Variants in NTM observed in about 807,000 individuals in gnomAD.
NTM encodes IgLON family member 2.
In NTM, 13 loss-of-function variants were observed where a neutral mutation model predicts 42.1. The observed-to-expected ratio is 0.31, with a 90% CI of 0.20 to 0.49. The LOEUF (loss-of-function observed/expected upper bound fraction) is 0.49. Among genes scored for constraint, NTM ranks in the 20% least tolerant of loss-of-function variants. The pLI is 0.99. For missense variants in NTM, 373 were observed against 452.8 expected (o/e 0.82, Z 1.60); for synonymous variants, 187 against 179.2 (o/e 1.04, Z -0.35).
chr11:132,159,835 C>T (rs757707077), intron 3 of NTM, among the ~76,000 whole-genome samples: 3 of 152,110 alleles, frequency 2.0e-5, no homozygotes, highest in African/African-American at 7.2e-5. Flanking sequence ...AGCTAAGGCC[C>T]GAGGCAGCTG....
At chr11:131,608,206 T>G (rs1177513835) in intron 1 of NTM, among the ~76,000 whole-genome samples, 1 of 152,196 alleles carries the variant, frequency 6.6e-6, no homozygotes, top group Non-Finnish European at 1.5e-5. Context: ...TTCATCCATG[T>G]CCCTGCAAAG....
Position 132,276,243 on chromosome 11 carries a change from C to G in NTM, c.527-31446C>G, listed in dbSNP as rs569343854. Among the ~76,000 whole-genome samples, 51 of 152,100 alleles carry G rather than the reference C, an allele frequency of 3.4e-4. No individual in the cohort carries two copies. The South Asian group carries it at 0.01, about 31-fold the overall frequency. On this transcript the variant is annotated intron_variant, in intron 4 of 8. Transcript: ENST00000683400. ...AACCACATTTTCTTTATTCATCCAT[C>G]GTTAGTCACTTAGGTTGGTTTCATA...
At chr11:131,642,386 G>A (rs759450058) in intron 1 of NTM, among the ~76,000 whole-genome samples, 6 of 152,234 alleles carry the variant, frequency 3.9e-5, no homozygotes, top group Non-Finnish European at 8.8e-5. Flanking sequence ...ATTTGGGGAA[G>A]TGGGAGAAGC....
At chr11:132,317,376 G>A (rs1555092555) in intron 7 of NTM, among the ~76,000 whole-genome samples, 1 of 152,192 alleles carries the variant, frequency 6.6e-6, no homozygotes, top group Non-Finnish European at 1.5e-5. Flanking sequence ...CTCAGCATGA[G>A]CTAAGAGTGA....
chr11:131,393,198 C>T (rs1345193040), intron 1 of NTM, among the ~76,000 whole-genome samples: 1 of 152,176 alleles, frequency 6.6e-6, no homozygotes, highest in Non-Finnish European at 1.5e-5. Flanking sequence ...ACCCTGCTCT[C>T]AATTGTCCTT....
chr11:131,402,676 A>G (rs1433885632), intron 1 of NTM, among the ~76,000 whole-genome samples: 1 of 152,210 alleles, frequency 6.6e-6, no homozygotes, highest in Non-Finnish European at 1.5e-5. Context: ...AGAGAATGCT[A>G]CTGTCTAAAA....
At chr11:131,648,827 A>G (rs2066095253) in intron 1 of NTM, among the ~76,000 whole-genome samples, 1 of 152,214 alleles carries the variant, frequency 6.6e-6, no homozygotes. Flanking sequence ...AAGATATAGA[A>G]TCTATCATAT....
intron 2 of NTM, among the ~76,000 whole-genome samples, chr11:132,126,644 A>G (rs2065889201): frequency 6.6e-6 from 1 of 152,196 alleles, no homozygotes; most frequent in African/African-American, 2.4e-5. Context: ...TGGAGAGGGC[A>G]GCCAAACTAG....
intron 2 of NTM, among the ~76,000 whole-genome samples, chr11:132,021,707 C>T (rs938421956): frequency 2.0e-5 from 3 of 152,084 alleles, no homozygotes; most frequent in African/African-American, 7.2e-5. Flanking sequence ...TAGGTTGCCC[C>T]CCAGGACTGA....
At chr11:131,405,248 T>C (rs1240357778) in intron 1 of NTM, among the ~76,000 whole-genome samples, 1 of 152,076 alleles carries the variant, frequency 6.6e-6, no homozygotes, top group African/African-American at 2.4e-5. Flanking sequence ...ATAGATTACA[T>C]CTGTTGACTG....
chr11:132,316,249 G>A (rs2095427197), intron 7 of NTM, among the ~76,000 whole-genome samples: 1 of 152,130 alleles, frequency 6.6e-6, no homozygotes, highest in Admixed American at 6.6e-5. Flanking sequence ...ATAGGGAGAA[G>A]CAGCAAACAA....
intron 7 of NTM, chr11:132,317,813 T>C (rs905031213): frequency 1.3e-5 from 6 of 463,514 alleles, no homozygotes; most frequent in East Asian, 7.3e-5. Context: ...TGGAAGGCTA[T>C]TGAAGGAGGT....
chr11:131,763,627 G>A (rs946801354), intron 1 of NTM, among the ~76,000 whole-genome samples: 5 of 149,822 alleles, frequency 3.3e-5, no homozygotes, highest in Admixed American at 2.0e-4. Flanking sequence ...AAGCTGAAGA[G>A]CTCTGGGTAC....
At chr11:131,465,196 G>T (rs1160728750) in intron 1 of NTM, among the ~76,000 whole-genome samples, 1 of 152,166 alleles carries the variant, frequency 6.6e-6, no homozygotes, top group Non-Finnish European at 1.5e-5. Flanking sequence ...TGCATTTCTT[G>T]AATACTAACC....
At chr11:132,147,214 T>TGTGTGTGTGAGA (rs1337361068) in intron 3 of NTM, among the ~76,000 whole-genome samples, 1 of 122,828 alleles carries the variant, frequency 8.1e-6, no homozygotes, top group African/African-American at 3.3e-5. Flanking sequence ...TGTGTGTGTG[T>TGTGTGTGTGAGA]GAGAGAGAGA....
At chr11:131,445,164 C>T (rs1949957845) in intron 1 of NTM, among the ~76,000 whole-genome samples, 1 of 152,120 alleles carries the variant, frequency 6.6e-6, no homozygotes, top group African/African-American at 2.4e-5. Context: ...AACTTTCCTC[C>T]CAAATGATTA....
At chr11:131,420,523 G>A (rs1947395049) in intron 1 of NTM, among the ~76,000 whole-genome samples, 1 of 152,186 alleles carries the variant, frequency 6.6e-6, no homozygotes, top group African/African-American at 2.4e-5. Context: ...GCGGCAGTAG[G>A]AAACTAACAT....
intron 2 of NTM, among the ~76,000 whole-genome samples, chr11:132,080,545 T>C (rs2058905150): frequency 6.6e-6 from 1 of 152,244 alleles, no homozygotes; most frequent in African/African-American, 2.4e-5. Context: ...TGGCTGGGCA[T>C]AGAGACTGTC....
At chr11:131,882,113 T>C (rs1039775798) in intron 1 of NTM, among the ~76,000 whole-genome samples, 11 of 152,224 alleles carry the variant, frequency 7.2e-5, no homozygotes, top group African/African-American at 1.9e-4. Flanking sequence ...AGAATACATA[T>C]GTACATTAGT....
Sources: allele counts gnomAD v4.1 joint callset (sites outside exome capture counted in the v4.1 genomes callset), GRCh38; gene constraint gnomAD v4.1.1; transcripts MANE v1.5; gene names NCBI Gene and HGNC (gene_info 2026-07-23, HGNC 2026-07-21).